Variants in LRP5 observed in about 807,000 individuals in gnomAD.
LRP5 encodes the protein low-density lipoprotein receptor-related protein 5.
Under a neutral mutation model 154.1 loss-of-function variants are expected in LRP5, and 62 were observed. The ratio of observed to expected loss-of-function variants is 0.40; its 90% confidence interval spans 0.33 to 0.50. The LOEUF is 0.50. Among genes scored for constraint, LRP5 ranks in the 20% least tolerant of loss-of-function variants. The pLI, the probability that LRP5 is intolerant of heterozygous loss-of-function variation, is 0.55. For missense variants in LRP5, 1,915 were observed against 2,336.7 expected (o/e 0.82, Z 3.72); for synonymous variants, 966 against 1,011.5 (o/e 0.96, Z 0.85).
chr11:68,351,668 C>T (rs1264692342), intron 2 of LRP5, among the ~76,000 whole-genome samples: 1 of 152,226 alleles, frequency 6.6e-6, no homozygotes, highest in Non-Finnish European at 1.5e-5. Flanking sequence ...GCCCTTGCGC[C>T]TGGTCCTGCT....
chr11:68,309,168 C>T (rs1270268746), upstream of LRP5, among the ~76,000 whole-genome samples: 2 of 151,770 alleles, frequency 1.3e-5, no homozygotes, highest in Non-Finnish European at 2.9e-5. Flanking sequence ...CTCCTGACCT[C>T]GTGATCCACC....
chr11:68,425,996 T>A lies in LRP5; in HGVS notation c.3446T>A (p.Leu1149Gln), dbSNP rs200389686. ...CDLSGANRLT[L>Q]EDANIVQPLG... ...CTTGCAGGGGCCAACCGCCTGACCC[T>A]GGAGGACGCCAACATCGTGCAGCCT... Residue 1149 changes from leucine to glutamine, a missense_variant, in exon 16 of 23, where the codon CTG becomes CAG. Physicochemically the swap from Leu to Gln is moderately radical, Grantham distance 113. This residue lies in a region of LRP5 where 1,094 missense variants were observed against 1,210.1 expected (regional missense o/e 0.90). Transcript: ENST00000294304. 371 of 1,612,198 alleles carry A rather than the reference T, an allele frequency of 2.3e-4. 4 individuals are homozygous for A. The highest frequency in any genetic ancestry group is 4.8e-5 in the Non-Finnish European group (57 of 1,180,010).
In LRP5 at chr11:68,411,575, T is replaced by C; in HGVS notation, c.2458T>C (p.Trp820Arg). ...TGACTACGCTGACCAGCGCCTCTAC[T>C]GGACCGACCTGGACACCAACATGAT... ...TIDYADQRLYWTDLDTNMIES... is the reference protein window; with the variant it reads ...TIDYADQRLYRTDLDTNMIES... Residue 820 changes from tryptophan to arginine, a missense_variant, in exon 11 of 23, where the codon TGG becomes CGG. Physicochemically the swap from Trp to Arg is moderately radical, Grantham distance 101. Around this residue, in one of 3 missense-constraint regions of LRP5, gnomAD observed 1,094 missense variants for 1,210.1 expected, o/e 0.90. Coordinates refer to ENST00000294304, the MANE Select transcript of LRP5 (RefSeq NM_002335.4). The C allele has an allele frequency of 6.2e-7, 1 of 1,613,512 alleles. No homozygotes were observed. Among genetic ancestry groups the C allele is most frequent in the Non-Finnish European group, 8.5e-7 (1 of 1,179,976 alleles).
upstream of LRP5, among the ~76,000 whole-genome samples, chr11:68,310,071 G>A (rs994410233): frequency 1.3e-5 from 2 of 152,250 alleles, no homozygotes. Flanking sequence ...TGCTAGTGGA[G>A]AGAAGAAAGA....
At chr11:68,341,044 C>T (rs1215305035) in intron 1 of LRP5, among the ~76,000 whole-genome samples, 1 of 87,896 alleles carries the variant, frequency 1.1e-5, no homozygotes, top group Non-Finnish European at 2.5e-5. Context: ...GTTACCCCTG[C>T]CGCTGGAGAT....
At chr11:68,426,984 C>T (rs553890655) in intron 16 of LRP5, among the ~76,000 whole-genome samples, 1 of 152,278 alleles carries the variant, frequency 6.6e-6, no homozygotes, top group Admixed American at 6.5e-5. Flanking sequence ...GCCCCGTGGC[C>T]CTCTCTGCCT....
At chr11:68,414,557 G>A (rs1238886338) in intron 12 of LRP5, among the ~76,000 whole-genome samples, 1 of 152,174 alleles carries the variant, frequency 6.6e-6, no homozygotes, top group Non-Finnish European at 1.5e-5. Flanking sequence ...ACCCTTGGAA[G>A]CAGGTGGGCC....
intron 7 of LRP5, among the ~76,000 whole-genome samples, chr11:68,402,519 C>A (rs1474352358): frequency 2.0e-5 from 3 of 152,178 alleles, no homozygotes; most frequent in Admixed American, 6.5e-5. Context: ...GAAATGAGTT[C>A]ACAGAGAAGC....
chr11:68,409,098 A>ATG (rs2098657696), intron 9 of LRP5, among the ~76,000 whole-genome samples: 1 of 15,118 alleles, frequency 6.6e-5, no homozygotes, highest in East Asian at 2.2e-3. Context: ...ATATATATAC[A>ATG]CACACATACA....
rs376944217 is a variant in LRP5 at position 68,413,915 on chromosome 11, C to T, written c.2730C>T (p.Asn910=). Residue 910 remains asparagine, a synonymous_variant, in exon 12 of 23, where the codon AAC becomes AAT. Transcript: ENST00000294304. This position sits in a 1 kb window ranked among gnomAD's most constrained non-coding sequence, Gnocchi z 5.1. The part of the protein sequence containing the change: ...QDGLNDCMHN[N]GQCGQLCLAI... The stretch of plus-strand genomic sequence containing the variant: ...GCCTCAATGACTGTATGCACAACAA[C>T]GGGCAGTGTGGGCAGCTGTGCCTTG... 18 of 1,612,270 alleles carry T rather than the reference C, an allele frequency of 1.1e-5. No homozygotes were observed. Among genetic ancestry groups the T allele is most frequent in the African/African-American group, 8.0e-5 (6 of 74,940 alleles).
intron 14 of LRP5, 125 bp from the exon 15 acceptor site, chr11:68,424,976 AC>A: frequency 1.4e-6 from 1 of 730,068 alleles, no homozygotes. Flanking sequence ...ATAGAATGTG[AC>A]CTGTCAGCCT....
Position 68,447,789 on chromosome 11 carries a change from G to A in LRP5, c.4587-1020G>A, listed in dbSNP as rs1440775600. Among the ~76,000 whole-genome samples the A allele has an allele frequency of 6.6e-6, 1 of 152,130 alleles. No individual in the cohort carries two copies. The highest frequency in any genetic ancestry group is 1.5e-5 in the Non-Finnish European group (1 of 68,024). ...CAGGCCCCTCTGTGACAGGACGGGGGCTCCTAAACACACCACAGTTCCGAG... is the reference window on the plus strand; with the variant it reads ...CAGGCCCCTCTGTGACAGGACGGGGACTCCTAAACACACCACAGTTCCGAG... On this transcript the variant is annotated intron_variant, in intron 22 of 22. Transcript: ENST00000294304. The surrounding 1 kb of genome is among the most constrained non-coding windows in gnomAD (Gnocchi z 4.3).
At chr11:68,364,263 CAGA>C (rs1434755460) in intron 4 of LRP5, among the ~76,000 whole-genome samples, 4 of 151,554 alleles carry the variant, frequency 2.6e-5, no homozygotes, top group African/African-American at 9.7e-5. Flanking sequence ...TTTCAAGGCC[CAGA>C]AGAAGTTGTC....
At chr11:68,397,972 T>TGTGTGTGTGTGTGTGTGTGTG (rs2098650381) in intron 7 of LRP5, among the ~76,000 whole-genome samples, 37 of 142,092 alleles carry the variant, frequency 2.6e-4, no homozygotes, top group Admixed American at 1.9e-3. Flanking sequence ...CTGTGTGTGT[T>TGTGTGTGTGTGTGTGTGTGTG]TGTGTGTGTG....
chr11:68,406,884 G>A (rs2098656016), intron 9 of LRP5, 71 bp downstream of exon 9: 7 of 1,487,660 alleles, frequency 4.7e-6, no homozygotes, highest in Non-Finnish European at 6.5e-6. Context: ...TGCCTCAAAG[G>A]CTTCAGACAC....
intron 5 of LRP5, among the ~76,000 whole-genome samples, chr11:68,384,241 G>A (rs2098641787): frequency 1.3e-5 from 2 of 152,194 alleles, no homozygotes; most frequent in Non-Finnish European, 2.9e-5. Context: ...TCCTCCTGGC[G>A]AGAGCCAGAG....
chr11:68,371,761 A>C (rs2098634128), intron 5 of LRP5, among the ~76,000 whole-genome samples: 1 of 152,262 alleles, frequency 6.6e-6, no homozygotes, highest in African/African-American at 2.4e-5. Context: ...TGCAGCTGAC[A>C]GCACGGCTGT....
At chr11:68,372,092 G>A (rs1234374281) in intron 5 of LRP5, among the ~76,000 whole-genome samples, 4 of 152,240 alleles carry the variant, frequency 2.6e-5, no homozygotes, top group African/African-American at 4.8e-5. Flanking sequence ...GCCTGTTCCC[G>A]AGGGAGGCAT....
chr11:68,360,546 C>T (rs577473485), intron 3 of LRP5, among the ~76,000 whole-genome samples: 5 of 151,148 alleles, frequency 3.3e-5, no homozygotes, highest in South Asian at 4.2e-4. Flanking sequence ...TGTTGGGTGA[C>T]GAGCTCTGGA....
Sources: allele counts gnomAD v4.1 joint callset (sites outside exome capture counted in the v4.1 genomes callset), GRCh38; gene constraint gnomAD v4.1.1; regional missense constraint gnomAD v4.1.1; non-coding constraint Gnocchi (gnomAD v3.1); transcripts MANE v1.5; gene names NCBI Gene and HGNC (gene_info 2026-07-23, HGNC 2026-07-21).